Variants in HPSE2 observed in about 807,000 individuals in gnomAD.
HPSE2 encodes the protein inactive heparanase-2.
HPSE2 carries 38 observed loss-of-function variants against 60.5 expected under a neutral mutation model. The ratio of observed to expected loss-of-function variants is 0.63; its 90% CI spans 0.48 to 0.82. The LOEUF (loss-of-function observed/expected upper bound fraction) is 0.82, where lower values mean the gene tolerates loss of function less well. Ranked by LOEUF, HPSE2 falls within the 40% of genes least tolerant of loss-of-function variation. HPSE2 has a pLI of 0.00. For missense variants in HPSE2, 713 were observed against 740.4 expected, an observed-to-expected ratio of 0.96 and a Z score of 0.43; for synonymous variants, 295 against 293.2, an observed-to-expected ratio of 1.01 and a Z score of -0.06.
chr10:98,528,703 A>G (rs1205261425), intron 9 of HPSE2, among the ~76,000 whole-genome samples: 1 of 152,314 alleles, frequency 6.6e-6, no homozygotes, highest in Non-Finnish European at 1.5e-5. Flanking sequence ...CTGTCCTATT[A>G]TGTGTCAGCC....
chr10:98,531,100 A>G (rs866314169), intron 9 of HPSE2, among the ~76,000 whole-genome samples: 1 of 152,192 alleles, frequency 6.6e-6, no homozygotes, highest in Non-Finnish European at 1.5e-5. Flanking sequence ...CTCACCCTCC[A>G]ACATTTTATG....
At chr10:98,950,369 A>G (rs1411716001) in intron 3 of HPSE2, among the ~76,000 whole-genome samples, 1 of 152,194 alleles carries the variant, frequency 6.6e-6, no homozygotes, top group Non-Finnish European at 1.5e-5. Context: ...CAGTCATATT[A>G]CAACCTGCCT....
the HPSE2 span, among the ~76,000 whole-genome samples, chr10:99,279,516 T>G: frequency 3.9e-5 from 6 of 152,222 alleles, no homozygotes; most frequent in Non-Finnish European, 5.9e-5. Flanking sequence ...ACTAAAAGAA[T>G]AGCTTTCCTT....
At chr10:98,716,156 A>G (rs892069553) in intron 5 of HPSE2, among the ~76,000 whole-genome samples, 1 of 151,992 alleles carries the variant, frequency 6.6e-6, no homozygotes, top group Non-Finnish European at 1.5e-5. Flanking sequence ...CTCATCATCC[A>G]TTCACATTCT....
At chr10:99,118,808 G>T (rs1217264965) in intron 3 of HPSE2, among the ~76,000 whole-genome samples, 1 of 151,986 alleles carries the variant, frequency 6.6e-6, no homozygotes. Context: ...CTTGAGGTCA[G>T]GAGTTCAAGA....
intron 3 of HPSE2, among the ~76,000 whole-genome samples, chr10:99,054,255 T>C (rs74154364): frequency 0.05 from 7,570 of 152,222 alleles, 628 homozygotes; most frequent in African/African-American, 0.17. Flanking sequence ...TAGCAGATAT[T>C]ACAGAGTTGA....
chr10:99,267,267 G>A, the HPSE2 span, among the ~76,000 whole-genome samples: 1 of 151,932 alleles, frequency 6.6e-6, no homozygotes, highest in South Asian at 2.1e-4. Context: ...AAAATCCTCA[G>A]TGAAATAGCA....
chr10:98,717,979 A>G (rs1237597401), intron 5 of HPSE2, among the ~76,000 whole-genome samples: 1 of 152,078 alleles, frequency 6.6e-6, no homozygotes, highest in Admixed American at 6.6e-5. Flanking sequence ...TCTCCTTTTG[A>G]CTAGGATTTC....
At chr10:98,628,123 G>A (rs1170540415) in intron 7 of HPSE2, among the ~76,000 whole-genome samples, 2 of 152,174 alleles carry the variant, frequency 1.3e-5, no homozygotes, top group African/African-American at 4.8e-5. Context: ...TCTAGGAGTA[G>A]TCAGTACAAA....
intron 3 of HPSE2, among the ~76,000 whole-genome samples, chr10:98,958,478 GCTAT>G (rs770298741): frequency 1.3e-4 from 20 of 152,194 alleles, no homozygotes; most frequent in South Asian, 8.3e-4. Flanking sequence ...TATTATGCAT[GCTAT>G]CTATTATTGA....
At chr10:99,127,753 C>T (rs1418091037) in intron 3 of HPSE2, among the ~76,000 whole-genome samples, 1 of 152,150 alleles carries the variant, frequency 6.6e-6, no homozygotes, top group Non-Finnish European at 1.5e-5. Flanking sequence ...ACAAAAGCAT[C>T]AGGTAAACTA....
At chr10:99,184,853 GAGAGAGAGA>G (rs1847941557) in intron 2 of HPSE2, among the ~76,000 whole-genome samples, 1 of 115,602 alleles carries the variant, frequency 8.7e-6, no homozygotes, top group Non-Finnish European at 1.9e-5. Flanking sequence ...GAGAGAGAGA[GAGAGAGAGA>G]GACAGAAACA....
At chr10:98,536,140 C>T (rs1943276535) in intron 9 of HPSE2, among the ~76,000 whole-genome samples, 1 of 152,212 alleles carries the variant, frequency 6.6e-6, no homozygotes, top group Non-Finnish European at 1.5e-5. Flanking sequence ...GCTCTAACTT[C>T]TTTTTAAGAT....
intron 9 of HPSE2, among the ~76,000 whole-genome samples, chr10:98,605,438 C>T (rs1216034092): frequency 6.6e-6 from 1 of 152,068 alleles, no homozygotes; most frequent in Non-Finnish European, 1.5e-5. Context: ...GGTTCTCGAA[C>T]AAAGATATTA....
At chr10:98,517,080 C>T (rs1046062985) in intron 9 of HPSE2, among the ~76,000 whole-genome samples, 3 of 151,906 alleles carry the variant, frequency 2.0e-5, no homozygotes, top group African/African-American at 4.8e-5. Context: ...TCCCTTCTTT[C>T]GAATCCCAGG....
intron 3 of HPSE2, among the ~76,000 whole-genome samples, chr10:99,101,897 C>A (rs905128303): frequency 2.0e-4 from 31 of 152,200 alleles, no homozygotes; most frequent in Non-Finnish European, 2.4e-4. Flanking sequence ...GGGTACATAA[C>A]GAAAAGAAGG....
At chr10:99,282,488 T>C in the HPSE2 span, among the ~76,000 whole-genome samples, 5 of 152,064 alleles carry the variant, frequency 3.3e-5, no homozygotes, top group South Asian at 6.2e-4. Flanking sequence ...ACCGAGGACA[T>C]AGAGGACTTC....
chr10:98,501,553 A>G (rs921970838), intron 9 of HPSE2, among the ~76,000 whole-genome samples: 1 of 152,232 alleles, frequency 6.6e-6, no homozygotes, highest in Non-Finnish European at 1.5e-5. Flanking sequence ...ACATACCTCA[A>G]TGTAATAAAA....
intron 5 of HPSE2, among the ~76,000 whole-genome samples, chr10:98,713,367 A>G (rs1948719166): frequency 6.6e-6 from 1 of 152,032 alleles, no homozygotes; most frequent in South Asian, 2.1e-4. Context: ...TAGGAGGGGA[A>G]CAAGATGCAC....
Sources: gnomAD v4.1 joint callset for allele counts (sites outside exome capture counted in the v4.1 genomes callset) on GRCh38, gnomAD v4.1.1 for gene constraint, MANE v1.5 for transcripts, NCBI Gene and HGNC (gene_info 2026-07-23, HGNC 2026-07-21) for gene names.